Variants in PILRB observed in about 807,000 individuals in gnomAD.
PILRB encodes the protein paired immunoglobulin-like type 2 receptor beta.
In PILRB, 21 loss-of-function variants were observed where a neutral mutation model predicts 20.5. The ratio of observed to expected loss-of-function variants is 1.02; its 90% confidence interval spans 0.72 to 1.47. The LOEUF is 1.47. Among genes scored for constraint, PILRB ranks in the 40% most tolerant of loss-of-function variants. The probability of loss-of-function intolerance (pLI) is 0.00; values close to 1 mark genes in which losing one functional copy is unlikely to be tolerated. For synonymous variants in PILRB, 133 were observed against 115.1 expected, an observed-to-expected ratio of 1.16 and a Z score of -0.99; for missense variants, 253 against 272.1, an observed-to-expected ratio of 0.93 and a Z score of 0.49.
At chr7:100,366,405 G>T (rs1790687010) in intron 3 of PILRB, among the ~76,000 whole-genome samples, 1 of 152,142 alleles carries the variant, frequency 6.6e-6, no homozygotes, top group Non-Finnish European at 1.5e-5. Context: ...TGAGGCCTGG[G>T]TTCAGAGGGT....
intron 3 of PILRB, 53 bp from the exon 4 acceptor site, chr7:100,367,296 C>T (rs1790722178): frequency 1.3e-6 from 1 of 780,114 alleles, no homozygotes. Flanking sequence ...ACTGCCTCGC[C>T]TGCCTCACTA....
At chr7:100,360,661 A>G (rs1244011807) in intron 3 of PILRB, among the ~76,000 whole-genome samples, 1 of 152,194 alleles carries the variant, frequency 6.6e-6, no homozygotes, top group African/African-American at 2.4e-5. Context: ...ACCTCAGTCT[A>G]TGGAGGAATG....
chr7:100,359,548 A>G lies in PILRB; in HGVS notation c.655+11A>G, dbSNP rs924650258. 2.5e-6 allele frequency: 4 copies of G among 1,610,212 alleles called. No homozygotes were observed. The highest frequency in any genetic ancestry group is 3.4e-6 in the Non-Finnish European group (4 of 1,176,686). ...GGAGGAGAAGGAAAGGTAAGTGCCC[A>G]GAACGCACTGTCTCCTCAAGCTTCC... On this transcript the variant is annotated intron_variant, in intron 3 of 3. Transcript: ENST00000609309.
intron 1 of PILRB, 147 bp downstream of exon 1, chr7:100,358,513 T>C (rs1180092079): frequency 2.4e-6 from 3 of 1,258,464 alleles, no homozygotes; most frequent in Non-Finnish European, 3.3e-6. Flanking sequence ...TGCCGCCATC[T>C]CTTCCCCCTC....
At chr7:100,360,161 CAG>C (rs548970734) in intron 3 of PILRB, among the ~76,000 whole-genome samples, 313 of 152,312 alleles carry the variant, frequency 2.1e-3, no homozygotes, top group African/African-American at 7.0e-3. Context: ...GGGAAAAGAA[CAG>C]AGAGAGGAGA....
Position 100,358,285 on chromosome 7 carries a change from CT to C in PILRB, c.-17del, listed in dbSNP as rs753286884. On this transcript the variant is annotated 5_prime_UTR_variant, in exon 1 of 4. Transcript: ENST00000609309. ...ACAGCTCTGCTGGTCTCCCCGTCCC[CT>C]GGAGAAGAACAAGGCCATGGGTCGG... 15 of 1,612,204 alleles carry C rather than the reference CT, an allele frequency of 9.3e-6. No individual in the cohort carries two copies. In the East Asian group the frequency reaches 3.3e-4, roughly 36 times the overall value.
In PILRB at chr7:100,367,786, A is replaced by G. The variant is rs1016881299; in HGVS notation, c.*409A>G. ...CCAATCTGTATGGTGGCTGTCTTCT[A>G]TGGCAGAAGGTTTTGGGGAATAAAT... is the stretch of plus-strand genomic sequence containing the variant. On this transcript the variant is annotated 3_prime_UTR_variant, in exon 4 of 4. Transcript: ENST00000609309. 12 of 179,398 alleles carry G rather than the reference A, an allele frequency of 6.7e-5. No individual in the cohort carries two copies. The highest frequency in any genetic ancestry group is 1.2e-4 in the African/African-American group (5 of 42,290). The allele number at this position is 179,398 out of a possible 1,614,324, so 11.1% of individuals were successfully genotyped here. A position where few individuals can be genotyped will look rare whatever the true frequency, so the allele number is the denominator to read the frequency against.
intron 3 of PILRB, among the ~76,000 whole-genome samples, chr7:100,362,768 C>G (rs572253671): frequency 6.6e-6 from 1 of 152,042 alleles, no homozygotes; most frequent in African/African-American, 2.4e-5. Context: ...CTTGGCCTCC[C>G]AAAGTGCTGG....
At chr7:100,366,888 C>T (rs1563111276) in intron 3 of PILRB, among the ~76,000 whole-genome samples, 1 of 152,022 alleles carries the variant, frequency 6.6e-6, no homozygotes, top group South Asian at 2.1e-4. Flanking sequence ...CAGGAGATGA[C>T]GTGGTGGACA....
At chr7:100,364,402 ATGG>A (rs1790617373) in intron 3 of PILRB, among the ~76,000 whole-genome samples, 1 of 152,202 alleles carries the variant, frequency 6.6e-6, no homozygotes, top group Non-Finnish European at 1.5e-5. Context: ...ATGAGACAAG[ATGG>A]TGGGTCCTTG....
At chr7:100,361,985 C>T (rs893069579) in intron 3 of PILRB, among the ~76,000 whole-genome samples, 5 of 151,974 alleles carry the variant, frequency 3.3e-5, no homozygotes, top group Admixed American at 6.6e-5. Context: ...TTGCCGGGTG[C>T]GGTGGCTCAC....
chr7:100,361,090 C>T (rs1790511970), intron 3 of PILRB, among the ~76,000 whole-genome samples: 2 of 152,026 alleles, frequency 1.3e-5, no homozygotes, highest in African/African-American at 4.8e-5. Context: ...CGCCCGCCAC[C>T]ACACCTGGCT....
In PILRB at chr7:100,359,364, C is replaced by T. The variant is rs1457484365; in HGVS notation, c.482C>T (p.Pro161Leu). The T allele has an allele frequency of 3.1e-6, 5 of 1,613,990 alleles. No individual in the cohort carries two copies. In the African/African-American group the frequency reaches 6.7e-5, roughly 22 times the overall value. The change falls in exon 3 of 4, where the codon CCC becomes CTC. Residue 161 changes from proline to leucine, a missense_variant. Physicochemically the swap from Pro to Leu is moderately conservative, Grantham distance 98. Transcript: ENST00000609309. ...QAVTTTTTWR[P>L]SSTTTIAGLR... Reference sequence around the variant, plus strand: ...GTCACAACCACCACCACCTGGAGGCCCAGCAGCACAACCACCATAGCCGGC... The same window carrying T: ...GTCACAACCACCACCACCTGGAGGCTCAGCAGCACAACCACCATAGCCGGC...
At chr7:100,364,972 G>C (rs1307602199) in intron 3 of PILRB, among the ~76,000 whole-genome samples, 1 of 151,784 alleles carries the variant, frequency 6.6e-6, no homozygotes, top group Non-Finnish European at 1.5e-5. Context: ...AAAAAGTTCT[G>C]AAAAAAATAA....
chr7:100,359,804 C>T (rs924597644), intron 3 of PILRB, among the ~76,000 whole-genome samples: 1 of 152,180 alleles, frequency 6.6e-6, no homozygotes, highest in African/African-American at 2.4e-5. Context: ...GCAGGTGGAT[C>T]ACAAGGCCAA....
chr7:100,358,985 G>A lies in PILRB; in HGVS notation c.360G>A (p.Gln120=). The change falls in exon 2 of 4, where the codon CAG becomes CAA. Residue 120 remains glutamine (Q), a synonymous_variant. Transcript: ENST00000609309. ...LRISNLRKED[Q]SVYFCRVELD... ...TCTCAAACCTGCGGAAGGAGGACCAGTCTGTGTATTTCTGCCGAGTCGAGC... is the reference window on the plus strand; with the variant it reads ...TCTCAAACCTGCGGAAGGAGGACCAATCTGTGTATTTCTGCCGAGTCGAGC... 1 of 1,614,190 alleles carries A rather than the reference G, an allele frequency of 6.2e-7. No homozygotes were observed. Among genetic ancestry groups the A allele is most frequent in the African/African-American group, 1.3e-5 (1 of 75,036 alleles).
Position 100,358,281 on chromosome 7 carries a change from T to A in PILRB, c.-22T>A, listed in dbSNP as rs1409560382. On this transcript the variant is annotated 5_prime_UTR_variant, in exon 1 of 4. Transcript: ENST00000609309. Reference sequence around the variant, plus strand: ...CTGGACAGCTCTGCTGGTCTCCCCGTCCCCTGGAGAAGAACAAGGCCATGG... The same window carrying A: ...CTGGACAGCTCTGCTGGTCTCCCCGACCCCTGGAGAAGAACAAGGCCATGG... 1 of 1,611,718 alleles carries A rather than the reference T, an allele frequency of 6.2e-7. No homozygotes were observed. Among genetic ancestry groups the A allele is most frequent in the Non-Finnish European group, 8.5e-7 (1 of 1,179,846 alleles).
chr7:100,363,768 A>G (rs1790596139), intron 3 of PILRB, among the ~76,000 whole-genome samples: 1 of 152,208 alleles, frequency 6.6e-6, no homozygotes, highest in Non-Finnish European at 1.5e-5. Flanking sequence ...CCCTGATTTC[A>G]AAATGTATTA....
chr7:100,360,699 G>C (rs1202713590), intron 3 of PILRB, among the ~76,000 whole-genome samples: 3 of 152,204 alleles, frequency 2.0e-5, no homozygotes, highest in East Asian at 1.9e-4. Flanking sequence ...CTGGGTCAGT[G>C]CAGTGCAGGA....
Sources: allele counts gnomAD v4.1 joint callset (sites outside exome capture counted in the v4.1 genomes callset), GRCh38; gene constraint gnomAD v4.1.1; transcripts MANE v1.5; gene names NCBI Gene and HGNC (gene_info 2026-07-23, HGNC 2026-07-21).